The following AHCYL1 variants were observed in gnomAD, a reference collection of about 807,000 sequenced individuals.
AHCYL1 encodes adenosylhomocysteinase like 1.
A neutral mutation model predicts 79.3 loss-of-function variants in AHCYL1; 20 were observed. The observed-to-expected ratio is 0.25, with a 90% CI of 0.18 to 0.37. AHCYL1 has a LOEUF of 0.37. Ranked by LOEUF, AHCYL1 falls within the 10% of genes least tolerant of loss-of-function variation. AHCYL1 has a pLI of 1.00. For missense variants in AHCYL1, 330 were observed against 673.6 expected, an observed-to-expected ratio of 0.49 and a Z score of 5.65; for synonymous variants, 223 against 242.2, an observed-to-expected ratio of 0.92 and a Z score of 0.74.
chr1:110,003,029 G>C (rs916325309), intron 1 of AHCYL1, among the ~76,000 whole-genome samples: 1 of 152,194 alleles, frequency 6.6e-6, no homozygotes, highest in Non-Finnish European at 1.5e-5. Context: ...TAGATTAGCA[G>C]AGGCTAAAGG....
Position 110,012,387 on chromosome 1 carries a change from G to A in AHCYL1, c.402G>A (p.Arg134=), listed in dbSNP as rs200794699. The change falls in exon 4 of 17, where the codon AGG becomes AGA. Residue 134 remains arginine (R), a synonymous_variant. Coordinates refer to ENST00000369799, the MANE Select transcript of AHCYL1 (RefSeq NM_006621.7). The part of the protein sequence containing the change: ...EQDMSALISL[R]KRAQGEKPLA... Reference sequence around the variant, plus strand: ...ACATGTCTGCTCTGATTTCACTCAGGAAACGTGCTCAGGGGGAGAAGCCCT... The same window carrying A: ...ACATGTCTGCTCTGATTTCACTCAGAAAACGTGCTCAGGGGGAGAAGCCCT... The A allele has an allele frequency of 2.9e-5, 47 of 1,613,896 alleles. No homozygotes were observed. In the East Asian group the frequency reaches 1.0e-3, roughly 36 times the overall value.
rs368631295 is a variant in AHCYL1 at position 110,011,199 on chromosome 1, C to A, written c.233-15C>A. ...GAGGTTTTTCTATCCTTGTTTTTTT[C>A]TTTCCTGGCTCTAGCTGCATCCTAC... On this transcript the variant is annotated splice_polypyrimidine_tract_variant and intron_variant, in intron 2 of 16. Coordinates refer to ENST00000369799, the MANE Select transcript of AHCYL1 (RefSeq NM_006621.7). 49 of 1,606,926 alleles carry A rather than the reference C, an allele frequency of 3.0e-5. No homozygotes were observed. Among genetic ancestry groups the A allele is most frequent in the Non-Finnish European group, 3.9e-5 (46 of 1,177,868 alleles).
intron 1 of AHCYL1, among the ~76,000 whole-genome samples, chr1:109,991,326 C>G (rs1023646679): frequency 6.6e-6 from 1 of 152,202 alleles, no homozygotes; most frequent in Non-Finnish European, 1.5e-5. Context: ...GTACAAGACT[C>G]TCCAAGCATG....
chr1:110,020,401 G>T (rs1277152440), intron 15 of AHCYL1, among the ~76,000 whole-genome samples: 1 of 152,104 alleles, frequency 6.6e-6, no homozygotes, highest in Non-Finnish European at 1.5e-5. Flanking sequence ...CTGCAGGAAG[G>T]TAGGAGTAGC....
intron 7 of AHCYL1, 37 bp from the exon 8 acceptor site, chr1:110,016,307 G>T: frequency 6.6e-7 from 1 of 1,504,278 alleles, no homozygotes; most frequent in South Asian, 1.2e-5. Context: ...CAGCTAACTT[G>T]GTTTTTGTTT....
chr1:109,996,543 G>A (rs543943230), intron 1 of AHCYL1, among the ~76,000 whole-genome samples: 1 of 152,328 alleles, frequency 6.6e-6, no homozygotes, highest in East Asian at 1.9e-4. Flanking sequence ...GGAACCCTCT[G>A]AGAGATGTGT....
At chr1:109,990,952 G>A (rs74117310) in intron 1 of AHCYL1, among the ~76,000 whole-genome samples, 1,854 of 152,244 alleles carry the variant, frequency 0.012, 41 homozygotes, top group African/African-American at 0.042. Flanking sequence ...TGCAGGTACT[G>A]TTTTCTCATT....
chr1:110,014,839 T>C lies in AHCYL1; in HGVS notation c.657T>C (p.Asp219=). ...WWCIDRCVNM[D]GWQANMILDD... ...GTATTGACCGCTGTGTGAACATGGA[T>C]GGGTGGCAGGCCAACATGGTAATAA... The change falls in exon 6 of 17, where the codon GAT becomes GAC. Residue 219 remains aspartate (D), a synonymous_variant. Transcript: ENST00000369799. The C allele has an allele frequency of 6.2e-7, 1 of 1,614,210 alleles. No individual in the cohort carries two copies. The highest frequency in any genetic ancestry group is 1.1e-5 in the South Asian group (1 of 91,086).
intron 1 of AHCYL1, chr1:109,985,667 G>A: frequency 2.0e-6 from 1 of 507,862 alleles, no homozygotes. Context: ...CTGATATACA[G>A]GTGAAAGCGA....
intron 1 of AHCYL1, among the ~76,000 whole-genome samples, chr1:109,990,759 A>G (rs1025970310): frequency 6.6e-6 from 1 of 152,144 alleles, no homozygotes; most frequent in Non-Finnish European, 1.5e-5. Flanking sequence ...TAATGCACTC[A>G]TAGAATGTGG....
intron 1 of AHCYL1, among the ~76,000 whole-genome samples, chr1:110,000,369 T>C (rs536509177): frequency 6.6e-6 from 1 of 152,338 alleles, no homozygotes; most frequent in African/African-American, 2.4e-5. Context: ...ACAATGGAAG[T>C]GTATTCTAGA....
At chr1:109,989,975 A>G (rs1317664669) in intron 1 of AHCYL1, among the ~76,000 whole-genome samples, 1 of 152,236 alleles carries the variant, frequency 6.6e-6, no homozygotes, top group Non-Finnish European at 1.5e-5. Flanking sequence ...TGTCAATACT[A>G]TCAGTGCCTA....
Position 110,023,399 on chromosome 1 carries a change from A to G in AHCYL1, c.*1719A>G, listed in dbSNP as rs1651918173. 1 of 152,662 alleles carries G rather than the reference A, an allele frequency of 6.6e-6. No homozygotes were observed. Among genetic ancestry groups the G allele is most frequent in the African/African-American group, 2.4e-5 (1 of 41,452 alleles). 9.5% of individuals were successfully genotyped at this position (152,662 alleles called of 1,614,324 possible). On this transcript the variant is annotated 3_prime_UTR_variant, in exon 17 of 17. Coordinates refer to ENST00000369799, the MANE Select transcript of AHCYL1 (RefSeq NM_006621.7). ...TCCTCGGGCACTTAACCAACCAATCAGAACACCACATCTGTTAGGGGAGGT... is the reference window on the plus strand; with the variant it reads ...TCCTCGGGCACTTAACCAACCAATCGGAACACCACATCTGTTAGGGGAGGT...
rs1433360946 is a variant in AHCYL1, at chr1:109,984,793, A to T, written c.-260A>T. ...TTGCGTGCGTGTTTGCGTACAGCGG[A>T]GGTGGCGGCGCGGGCAGGTCGGAGC... On this transcript the variant is annotated 5_prime_UTR_variant, in exon 1 of 17. Coordinates refer to ENST00000369799, the MANE Select transcript of AHCYL1 (RefSeq NM_006621.7). 1.2e-5 allele frequency: 4 copies of T among 345,598 alleles called. No homozygotes were observed. Among genetic ancestry groups the T allele is most frequent in the Non-Finnish European group, 2.0e-5 (4 of 201,158 alleles). The allele number at this position is 345,598 out of a possible 1,614,324, so 21.4% of individuals were successfully genotyped here.
At chr1:110,019,379 C>T (rs1439804167) in intron 14 of AHCYL1, among the ~76,000 whole-genome samples, 169 bp from the exon 15 acceptor site, 1 of 152,188 alleles carries the variant, frequency 6.6e-6, no homozygotes, top group Non-Finnish European at 1.5e-5. Context: ...ACAAAAACAA[C>T]AAATCCTCTT....
intron 1 of AHCYL1, among the ~76,000 whole-genome samples, chr1:110,007,682 A>G (rs902618002): frequency 1.3e-5 from 2 of 152,170 alleles, no homozygotes; most frequent in African/African-American, 4.8e-5. Flanking sequence ...ATCTGTAGTC[A>G]TTTACATTTC....
At chr1:109,997,562 G>A (rs1297999577) in intron 1 of AHCYL1, among the ~76,000 whole-genome samples, 1 of 152,186 alleles carries the variant, frequency 6.6e-6, no homozygotes, top group Non-Finnish European at 1.5e-5. Flanking sequence ...AAAGCGGGAC[G>A]GCAGATAAGG....
intron 1 of AHCYL1, among the ~76,000 whole-genome samples, chr1:109,988,568 T>C (rs954313696): frequency 6.6e-6 from 1 of 152,204 alleles, no homozygotes; most frequent in Non-Finnish European, 1.5e-5. Flanking sequence ...TTTTTCATAG[T>C]GTAAACCCAA....
Position 110,009,022 on chromosome 1 carries a change from C to T in AHCYL1, c.121-12C>T. 6.3e-7 allele frequency: 1 copy of T among 1,598,776 alleles called. No individual in the cohort carries two copies. ...TTATAAGTTTTCAACTTTTTGTCTTCCTTTTGTATAGCAAATCCAGTTTGC... is the reference window on the plus strand; with the variant it reads ...TTATAAGTTTTCAACTTTTTGTCTTTCTTTTGTATAGCAAATCCAGTTTGC... On this transcript the variant is annotated splice_polypyrimidine_tract_variant and intron_variant, in intron 1 of 16. Coordinates refer to ENST00000369799, the MANE Select transcript of AHCYL1 (RefSeq NM_006621.7).
Sources: gnomAD v4.1 joint callset for allele counts (sites outside exome capture counted in the v4.1 genomes callset) on GRCh38, gnomAD v4.1.1 for gene constraint, MANE v1.5 for transcripts, NCBI Gene and HGNC (gene_info 2026-07-23, HGNC 2026-07-21) for gene names.